Variants in HYAL1 observed in about 807,000 individuals in gnomAD.
The protein encoded by HYAL1 is hyaluronidase 1.
A neutral mutation model predicts 28.8 loss-of-function variants in HYAL1; 21 were observed. That is an observed-to-expected ratio of 0.73 (90% CI 0.52 to 1.05). The LOEUF is 1.05. HYAL1 is among the 50% of genes least tolerant of loss of function. The probability of loss-of-function intolerance (pLI) is 0.00; values close to 1 mark genes in which losing one functional copy is unlikely to be tolerated. For missense variants in HYAL1, 491 were observed against 579.2 expected (o/e 0.85, Z 1.56); for synonymous variants, 200 against 230.1 (o/e 0.87, Z 1.18).
Position 50,302,369 on chromosome 3 carries a change from G to A in HYAL1, c.588C>T (p.Arg196=), listed in dbSNP as rs782601965. 22 of 1,613,662 alleles carry A rather than the reference G, an allele frequency of 1.4e-5. No individual in the cohort carries two copies. Among genetic ancestry groups the A allele is most frequent in the African/African-American group, 9.3e-5 (7 of 74,940 alleles). The change falls in exon 2 of 4, where the codon CGC becomes CGT. Residue 196 remains arginine, a synonymous_variant. Transcript: ENST00000395144. This position sits in a 1 kb window ranked among gnomAD's most constrained non-coding sequence, Gnocchi z 5.0. ...TLQLGRALRP[R]GLWGFYGFPD... Reference sequence around the variant, plus strand: ...GGAAGCCATAGAAGCCCCAGAGGCCGCGAGGACGCAGTGCCCGCCCCAGCT... The same window carrying A: ...GGAAGCCATAGAAGCCCCAGAGGCCACGAGGACGCAGTGCCCGCCCCAGCT...
rs587670275 is a variant in HYAL1, at chr3:50,302,419, G to A, written c.538C>T (p.Arg180Trp). Residue 180 changes from arginine (R) to tryptophan (W), a missense_variant, in exon 2 of 4, where the codon CGG becomes TGG. Transcript: ENST00000395144. The surrounding 1 kb of genome is among the most constrained non-coding windows in gnomAD (Gnocchi z 5.0). Reference protein sequence around the residue: ...VAQDQFQGAARAWMAGTLQLG... With the variant: ...VAQDQFQGAAWAWMAGTLQLG... ...TGGAGGGTGCCTGCCATCCAGGCCCGTGCAGCTCCCTGGAACTGGTCCTGG... is the reference window on the plus strand; with the variant it reads ...TGGAGGGTGCCTGCCATCCAGGCCCATGCAGCTCCCTGGAACTGGTCCTGG... The A allele has an allele frequency of 6.1e-5, 98 of 1,613,872 alleles. No homozygotes were observed. Among genetic ancestry groups the A allele is most frequent in the Non-Finnish European group, 7.2e-5 (85 of 1,179,918 alleles).
chr3:50,301,209 A>G, intron 2 of HYAL1, 132 bp from the exon 3 acceptor site: 1 of 623,894 alleles, frequency 1.6e-6, no homozygotes, highest in South Asian at 1.9e-5. Context: ...CCAGAGGCAA[A>G]CTGCTTCCTC....
At chr3:50,301,875 C>T (rs1368342833) in intron 2 of HYAL1, among the ~76,000 whole-genome samples, 182 bp downstream of exon 2, 3 of 151,164 alleles carry the variant, frequency 2.0e-5, no homozygotes, top group Admixed American at 1.3e-4. Flanking sequence ...GGCATGAACC[C>T]GGGAGGCAGA....
chr3:50,311,206 CG>C (rs1302493324), intron 1 of HYAL1, among the ~76,000 whole-genome samples: 1 of 140,684 alleles, frequency 7.1e-6, no homozygotes, highest in East Asian at 2.3e-4. Context: ...ACCTCCCGGA[CG>C]GGGTGGCTGG....
intron 1 of HYAL1, among the ~76,000 whole-genome samples, chr3:50,311,660 G>T (rs1438644896): frequency 7.2e-6 from 1 of 138,608 alleles, no homozygotes; most frequent in Non-Finnish European, 1.5e-5. Context: ...GCGGCTGGCC[G>T]GGCGGGGGGC....
upstream of HYAL1, among the ~76,000 whole-genome samples, chr3:50,304,319 ATATATATATATATATATATGGCT>A (rs1702292518): frequency 1.1e-5 from 1 of 89,424 alleles, no homozygotes; most frequent in Non-Finnish European, 2.0e-5. Context: ...ATATATATAT[ATATATATATATATATATATGGCT>A]ATAGTCTTAG....
chr3:50,304,153 GCTA>G (rs1479911858), upstream of HYAL1: 1 of 149,960 alleles, frequency 6.7e-6, no homozygotes, highest in Non-Finnish European at 1.5e-5. Flanking sequence ...TGTAATCCCA[GCTA>G]CTCGGGAGGC....
rs782358010 is a variant in HYAL1, at chr3:50,300,453, CT to C, written c.*29del. The C allele has an allele frequency of 6.2e-7, 1 of 1,612,066 alleles. No homozygotes were observed. The highest frequency in any genetic ancestry group is 8.5e-7 in the Non-Finnish European group (1 of 1,178,240). On this transcript the variant is annotated 3_prime_UTR_variant, in exon 4 of 4. Transcript: ENST00000395144. Reference sequence around the variant, plus strand: ...GGCCAGACCCAGAGTGCATTAGGTTCTCAATATGTGCAACTCAGTGTGTGGC... The same window carrying C: ...GGCCAGACCCAGAGTGCATTAGGTTCCAATATGTGCAACTCAGTGTGTGGC...
In HYAL1 at chr3:50,300,156, CAA is replaced by C. The variant is rs1702060811; in HGVS notation, c.*325_*326del. On this transcript the variant is annotated 3_prime_UTR_variant, in exon 4 of 4. Coordinates refer to ENST00000395144, the MANE Select transcript of HYAL1 (RefSeq NM_033159.4). ...ATAAAACGCTTAGCACGGGGATTGG[CAA>C]AGAGTAGGCACTCAGTGAATGTCAG... 3 of 390,440 alleles carry C rather than the reference CAA, an allele frequency of 7.7e-6. No homozygotes were observed. Among genetic ancestry groups the C allele is most frequent in the South Asian group, 5.0e-5 (2 of 39,768 alleles). 24.2% of individuals were successfully genotyped at this position (390,440 alleles called of 1,614,324 possible).
chr3:50,302,443 G>T lies in HYAL1; in HGVS notation c.514C>A (p.Gln172Lys). 3.7e-6 allele frequency: 6 copies of T among 1,613,948 alleles called. No homozygotes were observed. The highest frequency in any genetic ancestry group is 5.1e-6 in the Non-Finnish European group (6 of 1,179,942). Residue 172 changes from glutamine to lysine, a missense_variant, in exon 2 of 4, where the codon CAG becomes AAG. Physicochemically the swap from Gln to Lys is moderately conservative, Grantham distance 53. Transcript: ENST00000395144. The surrounding 1 kb of genome is among the most constrained non-coding windows in gnomAD (Gnocchi z 5.0). The part of the protein sequence containing the change: ...WPAPQVEAVA[Q>K]DQFQGAARAW... ...CGTGCAGCTCCCTGGAACTGGTCCT[G>T]GGCTACTGCCTCCACCTGAGGAGCT... is the stretch of plus-strand genomic sequence containing the variant.
At position 50,300,424 on chromosome 3, in the gene HYAL1, C is replaced by G. The variant is rs1702072544; in HGVS notation, c.*59G>C. 1.3e-6 allele frequency: 2 copies of G among 1,557,422 alleles called. No homozygotes were observed. The highest frequency in any genetic ancestry group is 1.8e-6 in the Non-Finnish European group (2 of 1,129,234). ...ATGACTGTGCATGTATTTGAGGAAG[C>G]CCTGGCCAGACCCAGAGTGCATTAG... On this transcript the variant is annotated 3_prime_UTR_variant, in exon 4 of 4. Transcript: ENST00000395144.
At chr3:50,304,296 A>AAAAAAAAAAATATATATATATATAT (rs1553713686), upstream of HYAL1, among the ~76,000 whole-genome samples, 1 of 30,478 alleles carries the variant, frequency 3.3e-5, no homozygotes, top group Non-Finnish European at 6.1e-5. Context: ...AAAAAAAAAA[A>AAAAAAAAAAATATATATATATATAT]ATATATATAT....
rs2109308425 is a variant in HYAL1, at chr3:50,302,645, G to C, written c.312C>G (p.Ala104=). Residue 104 remains alanine (A), a synonymous_variant, in exon 2 of 4, where the codon GCC becomes GCG. Coordinates refer to ENST00000395144, the MANE Select transcript of HYAL1 (RefSeq NM_033159.4). This position sits in a 1 kb window ranked among gnomAD's most constrained non-coding sequence, Gnocchi z 5.0. Reference sequence around the variant, plus strand: ...TGTCCTGGAATGTGCGGGCCAGGTGGGCAATCAGGCTGGCATTCTGGGGCA... The same window carrying C: ...TGTCCTGGAATGTGCGGGCCAGGTGCGCAATCAGGCTGGCATTCTGGGGCA... The part of the protein sequence containing the change: ...GGLPQNASLI[A]HLARTFQDIL... 1.2e-6 allele frequency: 2 copies of C among 1,614,170 alleles called. No homozygotes were observed. Among genetic ancestry groups the C allele is most frequent in the Middle Eastern group, 1.6e-4 (1 of 6,062 alleles).
chr3:50,303,268 C>T, intron 1 of HYAL1, 198 bp downstream of exon 1: 1 of 292,162 alleles, frequency 3.4e-6, no homozygotes. Context: ...GAGGCCATGA[C>T]ATATGTTCTG....
At chr3:50,310,990 A>G (rs1702435017) in intron 1 of HYAL1, among the ~76,000 whole-genome samples, 1 of 152,108 alleles carries the variant, frequency 6.6e-6, no homozygotes, top group Non-Finnish European at 1.5e-5. Context: ...AAAGTCTCCC[A>G]CGTCTACATC....
At chr3:50,306,469 A>T (rs942046132), upstream of HYAL1, among the ~76,000 whole-genome samples, 1 of 151,236 alleles carries the variant, frequency 6.6e-6, no homozygotes, top group Non-Finnish European at 1.5e-5. Context: ...TAAAGTTAGC[A>T]TTTAACAACC....
Position 50,302,252 on chromosome 3 carries a change from C to G in HYAL1, c.705G>C (p.Leu235=). The change falls in exon 2 of 4, where the codon CTG becomes CTC. Residue 235 remains leucine, a synonymous_variant. Coordinates refer to ENST00000395144, the MANE Select transcript of HYAL1 (RefSeq NM_033159.4). The surrounding 1 kb of genome is among the most constrained non-coding windows in gnomAD (Gnocchi z 5.0). ...GATAGAGGGCACGGCTCTGGCCCCA[C>G]AGCCACCCTAGCTGGTCATTTTGGG... is the stretch of plus-strand genomic sequence containing the variant. ...IRAQNDQLGW[L]WGQSRALYPS... 2 of 1,613,988 alleles carry G rather than the reference C, an allele frequency of 1.2e-6. No homozygotes were observed. The highest frequency in any genetic ancestry group is 1.1e-5 in the South Asian group (1 of 91,090).
upstream of HYAL1, among the ~76,000 whole-genome samples, chr3:50,304,834 G>A (rs896075822): frequency 2.4e-4 from 37 of 152,172 alleles, no homozygotes; most frequent in African/African-American, 7.7e-4. Flanking sequence ...AAGTAGGTGT[G>A]AGTGTGGAAC....
In HYAL1 at chr3:50,303,463, G is replaced by C. The variant is rs1245263536; in HGVS notation, c.-25+3C>G. 1 of 154,038 alleles carries C rather than the reference G, an allele frequency of 6.5e-6. No individual in the cohort carries two copies. Among genetic ancestry groups the C allele is most frequent in the African/African-American group, 2.4e-5 (1 of 41,492 alleles). 9.5% of individuals were successfully genotyped at this position (154,038 alleles called of 1,614,324 possible). On this transcript the variant is annotated splice_donor_region_variant and intron_variant, in intron 1 of 3. Transcript: ENST00000395144. ...GCCAGTCTGCCCGCTCGTCCCTGCT[G>C]ACCTTGGGGCTGAAGGGCCTTATCC...
Sources: gnomAD v4.1 joint callset for allele counts (sites outside exome capture counted in the v4.1 genomes callset) on GRCh38, gnomAD v4.1.1 for gene constraint, Gnocchi (gnomAD v3.1) non-coding constraint, MANE v1.5 for transcripts, NCBI Gene and HGNC (gene_info 2026-07-23, HGNC 2026-07-21) for gene names.